ZNF451: variants seen among roughly 807,000 people sequenced by gnomAD.
ZNF451 encodes E3 SUMO-protein ligase ZNF451.
A neutral mutation model predicts 107.1 loss-of-function variants in ZNF451; 80 were observed. That is an observed-to-expected ratio of 0.75 (90% confidence interval 0.62 to 0.90). ZNF451 has a LOEUF of 0.90. Among genes scored for constraint, ZNF451 ranks in the 40% least tolerant of loss-of-function variants. ZNF451 has a pLI of 0.00. For missense variants in ZNF451, 1,107 were observed against 1,236.2 expected (o/e 0.90, Z 1.57); for synonymous variants, 362 against 406.5 (o/e 0.89, Z 1.32).
At chr6:57,132,966 G>T (rs945406658) in intron 5 of ZNF451, 76 bp from the exon 6 acceptor site, 3 of 1,477,292 alleles carry the variant, frequency 2.0e-6, no homozygotes, top group Admixed American at 3.6e-5. Flanking sequence ...TCATTGTTTT[G>T]TCCTAATTTT....
At chr6:57,103,574 G>A in intron 3 of ZNF451, 3 of 985,356 alleles carry the variant, frequency 3.0e-6, no homozygotes, top group Non-Finnish European at 3.6e-6. Flanking sequence ...CATGACATCA[G>A]GAATGGAGAA....
intron 3 of ZNF451, among the ~76,000 whole-genome samples, chr6:57,118,443 G>A (rs777855832): frequency 3.3e-5 from 5 of 152,020 alleles, no homozygotes; most frequent in African/African-American, 1.2e-4. Flanking sequence ...TTTCCTTCTC[G>A]AGGTAGTATC....
chr6:57,154,694 C>T (rs1763321805), intron 13 of ZNF451: 1 of 152,266 alleles, frequency 6.6e-6, no homozygotes, highest in Non-Finnish European at 1.5e-5. Context: ...AAATGCTCTA[C>T]CACTGAGTTA....
intron 6 of ZNF451, among the ~76,000 whole-genome samples, chr6:57,133,652 A>T (rs896852474): frequency 1.2e-4 from 18 of 152,278 alleles, no homozygotes; most frequent in Middle Eastern, 3.4e-3. Flanking sequence ...CCATTTTATC[A>T]ATTTACTGAG....
At chr6:57,103,665 CTT>C in intron 3 of ZNF451, 3 of 985,322 alleles carry the variant, frequency 3.0e-6, no homozygotes, top group Non-Finnish European at 3.6e-6. Context: ...TATTGACAGA[CTT>C]AATTCTGTAA....
Position 57,168,511 on chromosome 6 carries a change from C to T in ZNF451, c.*42C>T, listed in dbSNP as rs1161334377. On this transcript the variant is annotated 3_prime_UTR_variant, in exon 15 of 15. Coordinates refer to ENST00000370706, the MANE Select transcript of ZNF451 (RefSeq NM_001031623.3). ...ACAACATCAAGTGGCCTTGAAGAGA[C>T]TGAGATAACGAATTCTTGAGTTTGT... 2 of 1,489,796 alleles carry T rather than the reference C, an allele frequency of 1.3e-6. No homozygotes were observed. The highest frequency in any genetic ancestry group is 1.9e-6 in the Non-Finnish European group (2 of 1,077,672). 92.3% of individuals were successfully genotyped at this position (1,489,796 alleles called of 1,614,324 possible). A position where few individuals can be genotyped will look rare whatever the true frequency, so the allele number is the denominator to read the frequency against.
At chr6:57,091,714 G>T (rs1350729488) in intron 2 of ZNF451, among the ~76,000 whole-genome samples, 4 of 152,164 alleles carry the variant, frequency 2.6e-5, no homozygotes, top group Admixed American at 1.3e-4. Flanking sequence ...AAACGGTTCT[G>T]TCCCCAACTC....
chr6:57,105,430 T>C (rs915895621), intron 3 of ZNF451: 1 of 985,306 alleles, frequency 1.0e-6, no homozygotes, highest in African/African-American at 1.7e-5. Flanking sequence ...AACTTTGATG[T>C]CTTGCATATA....
chr6:57,147,148 G>A lies in ZNF451; in HGVS notation c.1063G>A (p.Ala355Thr). ...AGCTGAGAAGAGCATTACCCAGGTT[G>A]CAGAGAAATTCATATTAAGAGGTTA... is the stretch of plus-strand genomic sequence containing the variant. ...AVAEKSITQV[A>T]EKFILRGYCP... is the part of the protein sequence containing the mutation. The change falls in exon 10 of 15, where the codon GCA becomes ACA. Residue 355 changes from alanine to threonine, a missense_variant. Coordinates refer to ENST00000370706, the MANE Select transcript of ZNF451 (RefSeq NM_001031623.3). 1 of 1,614,002 alleles carries A rather than the reference G, an allele frequency of 6.2e-7. No homozygotes were observed. The highest frequency in any genetic ancestry group is 8.5e-7 in the Non-Finnish European group (1 of 1,179,918).
chr6:57,093,900 G>A (rs1829166191), intron 2 of ZNF451, among the ~76,000 whole-genome samples: 1 of 152,174 alleles, frequency 6.6e-6, no homozygotes, highest in Non-Finnish European at 1.5e-5. Flanking sequence ...AGGCACAATT[G>A]GAAACTATTT....
intron 3 of ZNF451, among the ~76,000 whole-genome samples, chr6:57,122,816 G>A (rs1830708267): frequency 6.6e-6 from 1 of 152,186 alleles, no homozygotes; most frequent in Non-Finnish European, 1.5e-5. Context: ...GCAGTTCAGA[G>A]ATTTCTCAAA....
Position 57,104,784 on chromosome 6 carries a change from A to G in ZNF451, c.186+5643A>G, listed in dbSNP as rs1024467626. The stretch of plus-strand genomic sequence containing the variant: ...ATGTTGCCCAGTAATAAGTAAAAGT[A>G]TCCTTTCTTAGTTACTCTAACTGAT... On this transcript the variant is annotated intron_variant, in intron 3 of 14. Transcript: ENST00000370706. 4 of 985,218 alleles carry G rather than the reference A, an allele frequency of 4.1e-6. No homozygotes were observed. The African/African-American group carries it at 7.0e-5, about 17-fold the overall frequency. 61.0% of individuals were successfully genotyped at this position (985,218 alleles called of 1,614,324 possible).
At chr6:57,103,004 T>C (rs1285524556) in intron 3 of ZNF451, 2 of 985,310 alleles carry the variant, frequency 2.0e-6, no homozygotes, top group African/African-American at 3.5e-5. Flanking sequence ...AAGATGGCCT[T>C]CTTAAACAAC....
intron 3 of ZNF451, among the ~76,000 whole-genome samples, chr6:57,112,050 G>A (rs769167996): frequency 6.6e-5 from 10 of 152,140 alleles, no homozygotes; most frequent in Non-Finnish European, 1.5e-4. Flanking sequence ...AATAAATATT[G>A]TACTGTTATG....
intron 13 of ZNF451, chr6:57,158,918 A>G (rs1004429829): frequency 2.3e-4 from 227 of 985,384 alleles, no homozygotes; most frequent in Non-Finnish European, 2.6e-4. Flanking sequence ...TTTTAAATCC[A>G]TCTTACATAT....
chr6:57,102,377 A>T, intron 3 of ZNF451: 1 of 1,096,258 alleles, frequency 9.1e-7, no homozygotes, highest in Non-Finnish European at 1.1e-6. Context: ...GAGGAGGACC[A>T]CTCAGGAATC....
chr6:57,135,678 A>G (rs559245443), intron 7 of ZNF451, among the ~76,000 whole-genome samples: 2 of 152,290 alleles, frequency 1.3e-5, no homozygotes, highest in South Asian at 4.1e-4. Context: ...ATTTTAAATC[A>G]TTGAATTGTT....
chr6:57,105,285 A>G (rs1359847839), intron 3 of ZNF451: 1 of 984,784 alleles, frequency 1.0e-6, no homozygotes, highest in Non-Finnish European at 1.2e-6. Context: ...TGATTCTTCA[A>G]AATGTTATTT....
intron 3 of ZNF451, chr6:57,108,276 C>G: frequency 1.0e-6 from 1 of 985,414 alleles, no homozygotes; most frequent in East Asian, 1.1e-4. Flanking sequence ...TGTTTTCTTT[C>G]ATTACCCGTA....
Sources: allele counts gnomAD v4.1 joint callset (sites outside exome capture counted in the v4.1 genomes callset), GRCh38; gene constraint gnomAD v4.1.1; transcripts MANE v1.5; gene names NCBI Gene and HGNC (gene_info 2026-07-23, HGNC 2026-07-21).